Variants in PDE1A observed in about 807,000 individuals in gnomAD.
PDE1A encodes dual specificity calcium/calmodulin-dependent 3',5'-cyclic nucleotide phosphodiesterase 1A.
A neutral mutation model predicts 61.7 loss-of-function variants in PDE1A; 35 were observed. The observed-to-expected ratio is 0.57, with a 90% confidence interval of 0.43 to 0.75. The LOEUF (loss-of-function observed/expected upper bound fraction) is 0.75, where lower values mean the gene tolerates loss of function less well. Among genes scored for constraint, PDE1A ranks in the 30% least tolerant of loss-of-function variants. The pLI is 0.00. For missense variants in PDE1A, 597 were observed against 630.6 expected, an observed-to-expected ratio of 0.95 and a Z score of 0.57; for synonymous variants, 232 against 213.2, an observed-to-expected ratio of 1.09 and a Z score of -0.77.
At chr2:182,422,634 TA>T (rs1703352625) in intron 1 of PDE1A, among the ~76,000 whole-genome samples, 1 of 152,198 alleles carries the variant, frequency 6.6e-6, no homozygotes, top group Admixed American at 6.5e-5. Flanking sequence ...ATTATTTTAC[TA>T]AAGTTATATA....
chr2:182,191,661 A>G (rs1685698233), intron 10 of PDE1A, among the ~76,000 whole-genome samples: 6 of 151,208 alleles, frequency 4.0e-5, no homozygotes, highest in Admixed American at 4.0e-4. Flanking sequence ...CCTAAATATT[A>G]TAAGATTGTA....
chr2:182,708,759 C>A, the PDE1A span, among the ~76,000 whole-genome samples: 1 of 152,254 alleles, frequency 6.6e-6, no homozygotes, highest in East Asian at 1.9e-4. Context: ...ATGTTGGAAT[C>A]CAAATTCTAC....
At chr2:182,660,074 T>C in the PDE1A span, among the ~76,000 whole-genome samples, 3 of 152,302 alleles carry the variant, frequency 2.0e-5, no homozygotes, top group Admixed American at 2.0e-4. Context: ...TGAATATAAC[T>C]GAAACATCAG....
chr2:182,502,116 G>T (rs568229735), intron 2 of PDE1A, among the ~76,000 whole-genome samples: 3 of 152,192 alleles, frequency 2.0e-5, no homozygotes, highest in African/African-American at 7.2e-5. Flanking sequence ...TTCCTCAAAT[G>T]CCTCTTCAAA....
At chr2:182,464,031 G>A (rs905418415) in intron 2 of PDE1A, among the ~76,000 whole-genome samples, 1 of 152,074 alleles carries the variant, frequency 6.6e-6, no homozygotes, top group Non-Finnish European at 1.5e-5. Context: ...AAGTGAATGG[G>A]TATTCAGAGC....
chr2:182,155,411 A>G (rs1455972054), intron 13 of PDE1A, among the ~76,000 whole-genome samples: 2 of 152,140 alleles, frequency 1.3e-5, no homozygotes, highest in African/African-American at 4.8e-5. Flanking sequence ...CTCTTTATGC[A>G]ATAACCTTAA....
chr2:182,480,321 C>G (rs944231768), intron 2 of PDE1A, among the ~76,000 whole-genome samples: 1 of 151,888 alleles, frequency 6.6e-6, no homozygotes, highest in African/African-American at 2.4e-5. Flanking sequence ...GTGATTAAAA[C>G]CTACAGTTGG....
At chr2:182,682,143 TGCC>T in the PDE1A span, among the ~76,000 whole-genome samples, 1 of 152,230 alleles carries the variant, frequency 6.6e-6, no homozygotes, top group East Asian at 1.9e-4. Flanking sequence ...AACTTCCATA[TGCC>T]TTTTACCTGA....
chr2:182,235,864 A>T (rs1406802764), intron 3 of PDE1A, among the ~76,000 whole-genome samples: 1 of 152,182 alleles, frequency 6.6e-6, no homozygotes, highest in Non-Finnish European at 1.5e-5. Context: ...GAAGATACTA[A>T]ATTTTTTGAT....
At chr2:182,690,112 C>A in the PDE1A span, among the ~76,000 whole-genome samples, 1 of 152,338 alleles carries the variant, frequency 6.6e-6, no homozygotes, top group Middle Eastern at 3.4e-3. Context: ...TAAGGAGGAG[C>A]TGGTACCCTT....
chr2:182,284,138 T>C (rs1476483321), intron 1 of PDE1A, among the ~76,000 whole-genome samples: 1 of 152,086 alleles, frequency 6.6e-6, no homozygotes, highest in Non-Finnish European at 1.5e-5. Flanking sequence ...AAATGGCATA[T>C]ATGAAAGAAC....
chr2:182,699,447 C>G, the PDE1A span, among the ~76,000 whole-genome samples: 13 of 152,216 alleles, frequency 8.5e-5, no homozygotes, highest in East Asian at 2.5e-3. Flanking sequence ...GATTTTGATA[C>G]CAATAACATA....
the PDE1A span, among the ~76,000 whole-genome samples, chr2:182,604,132 T>C: frequency 3.3e-5 from 5 of 152,122 alleles, no homozygotes; most frequent in Admixed American, 6.5e-5. Context: ...AATAAGAATT[T>C]TAATTATATC....
the PDE1A span, among the ~76,000 whole-genome samples, chr2:182,627,126 GTATATATAAAATATAAATATTATT>G: frequency 1.3e-4 from 3 of 22,396 alleles, no homozygotes; most frequent in South Asian, 4.6e-3. Context: ...AATATATTAT[GTATATATAAAATATAAATATTATT>G]TATATATAAA....
intron 3 of PDE1A, among the ~76,000 whole-genome samples, chr2:182,239,906 T>C (rs1690361682): frequency 6.6e-6 from 1 of 152,124 alleles, no homozygotes; most frequent in Non-Finnish European, 1.5e-5. Flanking sequence ...CAACTTAAAA[T>C]AAATAAAAAG....
intron 1 of PDE1A, among the ~76,000 whole-genome samples, chr2:182,394,186 T>G (rs554268196): frequency 6.6e-6 from 1 of 152,300 alleles, no homozygotes; most frequent in Admixed American, 6.5e-5. Flanking sequence ...CTGGATAATT[T>G]ATAAAGAAAA....
intron 1 of PDE1A, among the ~76,000 whole-genome samples, chr2:182,382,941 T>C (rs1471820152): frequency 6.6e-6 from 1 of 152,204 alleles, no homozygotes; most frequent in South Asian, 2.1e-4. Context: ...TGGTGCTAGA[T>C]AAATTTAAAG....
the PDE1A span, among the ~76,000 whole-genome samples, chr2:182,684,350 G>A: frequency 6.6e-6 from 1 of 151,820 alleles, no homozygotes; most frequent in African/African-American, 2.4e-5. Flanking sequence ...GCCAATACAG[G>A]CTGCTAATTA....
chr2:182,709,681 C>T, the PDE1A span, among the ~76,000 whole-genome samples: 1 of 152,130 alleles, frequency 6.6e-6, no homozygotes, highest in African/African-American at 2.4e-5. Context: ...AAATGAAATG[C>T]TTTCTTTGTA....
Sources: gnomAD v4.1 joint callset for allele counts (sites outside exome capture counted in the v4.1 genomes callset) on GRCh38, gnomAD v4.1.1 for gene constraint, MANE v1.5 for transcripts, NCBI Gene and HGNC (gene_info 2026-07-23, HGNC 2026-07-21) for gene names.